Variants in MAP2K4 observed in about 807,000 individuals in gnomAD.
The protein encoded by MAP2K4 is mitogen-activated protein kinase kinase 4, also known as dual specificity mitogen-activated protein kinase kinase 4.
Under a neutral mutation model 48.5 loss-of-function variants are expected in MAP2K4, and 4 were observed. The ratio of observed to expected loss-of-function variants is 0.08; its 90% CI spans 0.04 to 0.19. MAP2K4 has a LOEUF of 0.19. Ranked by LOEUF, MAP2K4 falls within the 10% of genes least tolerant of loss-of-function variation. The pLI is 1.00. For synonymous variants in MAP2K4, 166 were observed against 173.1 expected (o/e 0.96, Z 0.32); for missense variants, 258 against 493.3 (o/e 0.52, Z 4.52).
intron 1 of MAP2K4, among the ~76,000 whole-genome samples, chr17:12,043,898 C>G (rs907824358): frequency 6.6e-6 from 1 of 152,048 alleles, no homozygotes; most frequent in Non-Finnish European, 1.5e-5. Flanking sequence ...GTCCTTTTCA[C>G]CTTCCTGGAG....
intron 9 of MAP2K4, among the ~76,000 whole-genome samples, chr17:12,130,481 A>C (rs1264526757): frequency 1.3e-5 from 2 of 152,212 alleles, no homozygotes; most frequent in Admixed American, 6.5e-5. Flanking sequence ...TGTGTAAGTC[A>C]TAGGGTATAA....
At chr17:12,023,966 T>G (rs999030860) in intron 1 of MAP2K4, among the ~76,000 whole-genome samples, 6 of 152,158 alleles carry the variant, frequency 3.9e-5, no homozygotes, top group African/African-American at 1.4e-4. Context: ...ATTGTTATGG[T>G]CTCATTAATG....
At chr17:12,132,303 G>A (rs1164298685) in intron 9 of MAP2K4, among the ~76,000 whole-genome samples, 1 of 152,154 alleles carries the variant, frequency 6.6e-6, no homozygotes, top group Non-Finnish European at 1.5e-5. Flanking sequence ...GTCCGGAAAA[G>A]CACATTTATA....
At chr17:12,068,615 C>T (rs554171140) in intron 2 of MAP2K4, among the ~76,000 whole-genome samples, 84 of 151,972 alleles carry the variant, frequency 5.5e-4, no homozygotes, top group African/African-American at 1.8e-3. Flanking sequence ...GGTTTAGTTG[C>T]GATTACTGTG....
intron 7 of MAP2K4, among the ~76,000 whole-genome samples, chr17:12,121,221 T>C: frequency 6.6e-6 from 1 of 152,186 alleles, no homozygotes; most frequent in South Asian, 2.1e-4. Flanking sequence ...TAGTTGTATA[T>C]GAAACATAAA....
At chr17:12,118,932 A>G (rs890789105) in intron 7 of MAP2K4, among the ~76,000 whole-genome samples, 2 of 152,230 alleles carry the variant, frequency 1.3e-5, no homozygotes, top group Admixed American at 6.5e-5. Flanking sequence ...AAGTGAGAAA[A>G]AAATGATATC....
chr17:12,135,794 C>T (rs1973187976), intron 9 of MAP2K4, among the ~76,000 whole-genome samples: 1 of 152,194 alleles, frequency 6.6e-6, no homozygotes, highest in African/African-American at 2.4e-5. Context: ...AGGTGATCCG[C>T]CTGCCTCAGC....
Position 12,081,837 on chromosome 17 carries a change from T to A in MAP2K4, c.393+307T>A. 1 of 506,588 alleles carries A rather than the reference T, an allele frequency of 2.0e-6. No homozygotes were observed. The highest frequency in any genetic ancestry group is 1.9e-5 in the African/African-American group (1 of 52,246). 31.4% of individuals were successfully genotyped at this position (506,588 alleles called of 1,614,324 possible). ...AGTTCAGGCTGGGCGGCTGCACCCCTGGGAGCAGGGCAGTGCTGCACTGAG... is the reference window on the plus strand; with the variant it reads ...AGTTCAGGCTGGGCGGCTGCACCCCAGGGAGCAGGGCAGTGCTGCACTGAG... On this transcript the variant is annotated intron_variant, in intron 3 of 10. Coordinates refer to ENST00000353533, the MANE Select transcript of MAP2K4 (RefSeq NM_003010.4). This position sits in a 1 kb window ranked among gnomAD's most constrained non-coding sequence, Gnocchi z 4.2.
In MAP2K4 at chr17:12,080,572, G is replaced by A. The variant is rs9901030; in HGVS notation, c.219-784G>A. 2.9e-3 allele frequency among the ~76,000 whole-genome samples: 439 copies of A among 152,098 alleles called. 2 individuals carry two copies. Among genetic ancestry groups the A allele is most frequent in the African/African-American group, 6.7e-3 (276 of 41,466 alleles). On this transcript the variant is annotated intron_variant, in intron 2 of 10. Coordinates refer to ENST00000353533, the MANE Select transcript of MAP2K4 (RefSeq NM_003010.4). ...GTAATGAGTGAGCTCTTTTGTCTAC[G>A]AGCCACTCATTTTTTATCCCATTGC...
chr17:12,129,225 G>T lies in MAP2K4; in HGVS notation c.978G>T (p.Pro326=), dbSNP rs147290941. The change falls in exon 9 of 11, where the codon CCG becomes CCT. Residue 326 remains proline (P), a synonymous_variant. Transcript: ENST00000353533. ...CACAAGTCGTGAAAGGAGATCCTCC[G>T]CAGCTGAGTAATTCTGAGGAAAGGG... ...QLTQVVKGDP[P]QLSNSEEREF... 79 of 1,614,046 alleles carry T rather than the reference G, an allele frequency of 4.9e-5. No individual in the cohort carries two copies. Among genetic ancestry groups the T allele is most frequent in the Non-Finnish European group, 6.4e-5 (75 of 1,179,992 alleles).
intron 2 of MAP2K4, among the ~76,000 whole-genome samples, chr17:12,072,718 C>T (rs1278037504): frequency 6.6e-6 from 1 of 152,118 alleles, no homozygotes; most frequent in Non-Finnish European, 1.5e-5. Flanking sequence ...CTCATGAATA[C>T]CCTAGATTTC....
rs749364956 is a variant in MAP2K4, at chr17:12,141,168, T to A, written c.1108T>A (p.Tyr370Asn). 4.3e-6 allele frequency: 7 copies of A among 1,612,818 alleles called. No individual in the cohort carries two copies. In the Admixed American group the frequency reaches 1.2e-4, roughly 27 times the overall value. The change falls in exon 11 of 11, where the codon TAT becomes AAT. Residue 370 changes from tyrosine to asparagine, a missense_variant. By Grantham distance (143) the Tyr-to-Asn change is moderately radical (BLOSUM62 -2). This residue lies in a region of MAP2K4 where 57 missense variants were observed against 84.3 expected (regional missense o/e 0.68). Coordinates refer to ENST00000353533, the MANE Select transcript of MAP2K4 (RefSeq NM_003010.4). ...ELLKHPFILM[Y>N]EERAVEVACY... ...GCAGAAACATCCCTTTATTTTGATG[T>A]ATGAAGAACGTGCCGTTGAGGTCGC...
intron 9 of MAP2K4, among the ~76,000 whole-genome samples, chr17:12,132,617 A>C (rs575948402): frequency 6.6e-6 from 1 of 152,262 alleles, no homozygotes; most frequent in South Asian, 2.1e-4. Context: ...AAGGAAAAAA[A>C]AAAAAGGATA....
At chr17:12,082,381 A>T (rs748885411) in intron 3 of MAP2K4, among the ~76,000 whole-genome samples, 7 of 152,218 alleles carry the variant, frequency 4.6e-5, no homozygotes, top group Non-Finnish European at 7.3e-5. Flanking sequence ...AGCTGTGGCC[A>T]TACCCTCTCT....
At chr17:12,141,120 A>G in intron 10 of MAP2K4, 27 bp from the exon 11 acceptor site, 7 of 1,464,218 alleles carry the variant, frequency 4.8e-6, no homozygotes, top group Non-Finnish European at 6.7e-6. Context: ...CAAACTTTTG[A>G]CTTTTTTGTT....
At chr17:12,140,127 C>T (rs934200715) in intron 10 of MAP2K4, among the ~76,000 whole-genome samples, 1 of 151,970 alleles carries the variant, frequency 6.6e-6, no homozygotes, top group African/African-American at 2.4e-5. Flanking sequence ...TAAAAATTAC[C>T]CCCAAAGAAT....
At chr17:12,057,092 T>TA (rs201275954) in intron 2 of MAP2K4, among the ~76,000 whole-genome samples, 79 of 150,060 alleles carry the variant, frequency 5.3e-4, no homozygotes, top group African/African-American at 1.8e-3. Context: ...TTTGCAAGAT[T>TA]AAAAAAAAAA....
intron 2 of MAP2K4, among the ~76,000 whole-genome samples, chr17:12,078,947 T>C (rs985023982): frequency 6.6e-6 from 1 of 152,214 alleles, no homozygotes; most frequent in African/African-American, 2.4e-5. Flanking sequence ...TAAAGACGAA[T>C]GTATGAACAT....
intron 2 of MAP2K4, among the ~76,000 whole-genome samples, chr17:12,068,783 A>C (rs1038249958): frequency 9.5e-6 from 1 of 105,796 alleles, no homozygotes; most frequent in South Asian, 4.3e-4. Flanking sequence ...GTGTATATGT[A>C]TTTATGTATA....
Sources: gnomAD v4.1 joint callset for allele counts (sites outside exome capture counted in the v4.1 genomes callset) on GRCh38, gnomAD v4.1.1 for gene constraint, gnomAD v4.1.1 regional missense constraint, Gnocchi (gnomAD v3.1) non-coding constraint, MANE v1.5 for transcripts, NCBI Gene and HGNC (gene_info 2026-07-23, HGNC 2026-07-21) for gene names.